Variants in NPHP1 observed in about 807,000 individuals in gnomAD.
The protein encoded by NPHP1 is nephrocystin-1.
In NPHP1, 70 loss-of-function variants were observed where a neutral mutation model predicts 90.4. That is an observed-to-expected ratio of 0.77 (90% CI 0.64 to 0.95). The LOEUF (loss-of-function observed/expected upper bound fraction) is 0.95. NPHP1 is among the 40% of genes least tolerant of loss of function. The pLI, the probability that NPHP1 is intolerant of heterozygous loss-of-function variation, is 0.00. For synonymous variants in NPHP1, 256 were observed against 271.7 expected (o/e 0.94, Z 0.57); for missense variants, 764 against 795.9 (o/e 0.96, Z 0.48).
rs1684746025 is a variant in NPHP1, at chr2:110,191,621, G to A, written c.143+9800C>T. ...ACAAAAGGCAGCAGAAACCTCTGCA[G>A]ACTTAAATGTCCCTGTCTGACAGCT... is the stretch of plus-strand genomic sequence containing the variant. On this transcript the variant is annotated intron_variant, in intron 2 of 19. Coordinates refer to ENST00000445609, the MANE Select transcript of NPHP1 (RefSeq NM_001128178.3). Among the ~76,000 whole-genome samples, 3 of 152,192 alleles carry A rather than the reference G, an allele frequency of 2.0e-5. No homozygotes were observed. The South Asian group carries it at 6.2e-4, about 32-fold the overall frequency.
At chr2:110,138,718 G>C (rs73954616) in intron 16 of NPHP1, among the ~76,000 whole-genome samples, 6,514 of 152,132 alleles carry the variant, frequency 0.043, 459 homozygotes, top group African/African-American at 0.15. Context: ...CAGTGTTTCA[G>C]CTGCATGCCC....
intron 15 of NPHP1, 41 bp downstream of exon 15, chr2:110,144,452 T>C: frequency 1.5e-6 from 2 of 1,329,050 alleles, no homozygotes; most frequent in Non-Finnish European, 2.2e-6. Flanking sequence ...TTCTATTTGT[T>C]TAATCTTTAA....
intron 1 of NPHP1, among the ~76,000 whole-genome samples, chr2:110,203,364 AGT>A (rs1372777365): frequency 3.3e-5 from 5 of 152,264 alleles, no homozygotes; most frequent in South Asian, 4.1e-4. Flanking sequence ...AGCATAACAC[AGT>A]GTTCCCATGT....
At position 110,146,825 on chromosome 2, in the gene NPHP1, T is replaced by C; in HGVS notation, c.1280A>G (p.Glu427Gly). The stretch of plus-strand genomic sequence containing the variant: ...CCAGCCACAGCTTAACTCTCCTCTT[T>C]CACCAGTTGACTAGGAAATAAGACA... ...GISYIRNSTG[E>G]RGELSCGWVF... The change falls in exon 14 of 20, where the codon GAA (glutamate) becomes GGA (glycine). Residue 427 changes from glutamate to glycine, a missense_variant. Physicochemically the swap from Glu to Gly is moderately conservative, Grantham distance 98 (BLOSUM62 -2). Transcript: ENST00000445609. The C allele has an allele frequency of 6.2e-7, 1 of 1,612,608 alleles. No homozygotes were observed. The highest frequency in any genetic ancestry group is 2.2e-5 in the East Asian group (1 of 44,844).
rs772720024 is a variant in NPHP1, at chr2:110,150,209, CT to C, written c.1130del (p.Lys377SerfsTer55). The C allele has an allele frequency of 6.2e-7, 1 of 1,613,888 alleles. No individual in the cohort carries two copies. The highest frequency in any genetic ancestry group is 8.5e-7 in the Non-Finnish European group (1 of 1,179,830). The stretch of plus-strand genomic sequence containing the variant: ...GGGGAGAAAAGGTCCATGTTTTGGG[CT>C]TTTTAGGTTGCCATGTGGCTCTGAC... ...HTVRATWQPK[K>X]PKTWTFSPQV... On this transcript the variant is annotated frameshift_variant, in exon 12 of 20. Transcript: ENST00000445609. LOFTEE classifies it high-confidence loss of function.
intron 11 of NPHP1, among the ~76,000 whole-genome samples, chr2:110,153,508 GA>G (rs1681642777): frequency 6.6e-6 from 1 of 152,148 alleles, no homozygotes; most frequent in Non-Finnish European, 1.5e-5. Flanking sequence ...ACAAGCTAGG[GA>G]AAGTAAAGAA....
intron 4 of NPHP1, among the ~76,000 whole-genome samples, chr2:110,174,740 T>A (rs372089008): frequency 1.3e-5 from 2 of 150,910 alleles, no homozygotes; most frequent in East Asian, 1.9e-4. Flanking sequence ...GACACCTGCC[T>A]TTTTTTTTCA....
intron 1 of NPHP1, among the ~76,000 whole-genome samples, chr2:110,204,507 G>A (rs879652347): frequency 2.6e-5 from 4 of 152,164 alleles, no homozygotes; most frequent in Non-Finnish European, 5.9e-5. Context: ...AAATGGGCTT[G>A]GAAAGTGGAG....
chr2:110,144,181 T>C (rs1441965924), intron 15 of NPHP1: 3 of 390,490 alleles, frequency 7.7e-6, no homozygotes, highest in Non-Finnish European at 1.4e-5. Context: ...GTTTCAAATG[T>C]CTGCATCCTT....
At chr2:110,192,297 C>T (rs1362700564) in intron 2 of NPHP1, among the ~76,000 whole-genome samples, 1 of 152,098 alleles carries the variant, frequency 6.6e-6, no homozygotes, top group Non-Finnish European at 1.5e-5. Context: ...ATAACCAATG[C>T]AGAGAAGTCC....
chr2:110,186,853 A>G (rs6758737), intron 2 of NPHP1, among the ~76,000 whole-genome samples: 46,948 of 151,974 alleles, frequency 0.31, 7,820 homozygotes, highest in East Asian at 0.55. Flanking sequence ...AAAAAAAGAA[A>G]GAAAGAAAGA....
At chr2:110,133,800 C>A (rs1679966515) in intron 16 of NPHP1, among the ~76,000 whole-genome samples, 1 of 151,842 alleles carries the variant, frequency 6.6e-6, no homozygotes, top group African/African-American at 2.4e-5. Flanking sequence ...AAGAAGAAAT[C>A]TCAAGAGAAA....
At chr2:110,135,689 T>A (rs1398842067) in intron 16 of NPHP1, among the ~76,000 whole-genome samples, 27 of 152,156 alleles carry the variant, frequency 1.8e-4, no homozygotes, top group Non-Finnish European at 2.9e-5. Context: ...ATAGAAAATC[T>A]CAAAAACCTT....
chr2:110,166,487 A>G (rs1216545051), intron 6 of NPHP1, among the ~76,000 whole-genome samples: 2 of 152,200 alleles, frequency 1.3e-5, no homozygotes, highest in African/African-American at 4.8e-5. Flanking sequence ...AACTTCCAAG[A>G]AACCTTCTTA....
In NPHP1 at chr2:110,168,552, T is replaced by G. The variant is rs1682883845; in HGVS notation, c.524A>C (p.Lys175Thr). ...TTCAATTACAAGGAGAATTTCCCCT[T>G]TCTTAAAGCAAAACAAAGTAAACCA... ...AQQVGDLTFKKGEILLVIEKK... is the reference protein window; with the variant it reads ...AQQVGDLTFKTGEILLVIEKK... The change falls in exon 6 of 20, where the codon AAA (lysine) becomes ACA (threonine). Residue 175 changes from lysine (K) to threonine (T), a missense_variant and splice_region_variant. Lys to Thr is a moderately conservative substitution (Grantham distance 78). Coordinates refer to ENST00000445609, the MANE Select transcript of NPHP1 (RefSeq NM_001128178.3). 6.3e-7 allele frequency: 1 copy of G among 1,589,492 alleles called. No individual in the cohort carries two copies. Among genetic ancestry groups the G allele is most frequent in the South Asian group, 1.1e-5 (1 of 90,592 alleles).
At position 110,169,992 on chromosome 2, in the gene NPHP1, C is replaced by G; in HGVS notation, c.336G>C (p.Gly112=). ...TTTCTTCCTCTTCTTCAGTAGGTGC[C>G]CCAACTCTACAAAAAGTGTTTCTGA... The part of the protein sequence containing the change: ...TISRENITEV[G]APTEEEEESE... Residue 112 remains glycine, a synonymous_variant, in exon 5 of 20, where the codon GGG becomes GGC. Transcript: ENST00000445609. 1.9e-6 allele frequency: 3 copies of G among 1,612,818 alleles called. No homozygotes were observed. Among genetic ancestry groups the G allele is most frequent in the Non-Finnish European group, 2.5e-6 (3 of 1,179,094 alleles).
chr2:110,179,854 C>G (rs961245206), intron 2 of NPHP1, among the ~76,000 whole-genome samples, 170 bp from the exon 3 acceptor site: 9 of 152,128 alleles, frequency 5.9e-5, no homozygotes, highest in Admixed American at 5.2e-4. Flanking sequence ...AGATGATCCT[C>G]ATAGCCAAGC....
intron 4 of NPHP1, among the ~76,000 whole-genome samples, chr2:110,177,407 C>T (rs774698656): frequency 2.6e-5 from 4 of 152,076 alleles, no homozygotes; most frequent in African/African-American, 4.8e-5. Context: ...TTGCTTCCCA[C>T]AAATTGGGTT....
chr2:110,184,665 G>T, intron 2 of NPHP1: 2 of 759,852 alleles, frequency 2.6e-6, no homozygotes, highest in South Asian at 2.9e-5. Context: ...GGAGGGCTAT[G>T]ATTTCCACTC....
Sources: gnomAD v4.1 joint callset for allele counts (sites outside exome capture counted in the v4.1 genomes callset) on GRCh38, gnomAD v4.1.1 for gene constraint, MANE v1.5 for transcripts, NCBI Gene and HGNC (gene_info 2026-07-23, HGNC 2026-07-21) for gene names.